FGF10: variants seen among roughly 807,000 people sequenced by gnomAD.
FGF10 encodes fibroblast growth factor 10.
A neutral mutation model predicts 19.8 loss-of-function variants in FGF10; 2 were observed. That is an observed-to-expected ratio of 0.10 (90% CI 0.04 to 0.32). The LOEUF is 0.32. Ranked by LOEUF, FGF10 falls within the 10% of genes least tolerant of loss-of-function variation. The pLI is 1.00. For synonymous variants in FGF10, 112 were observed against 94.0 expected (o/e 1.19, Z -1.10); for missense variants, 191 against 246.3 (o/e 0.78, Z 1.50).
At chr5:44,361,008 T>C (rs191034562) in intron 1 of FGF10, among the ~76,000 whole-genome samples, 3 of 151,856 alleles carry the variant, frequency 2.0e-5, no homozygotes, top group East Asian at 3.9e-4. Context: ...ATGTCATCCT[T>C]GTTATCTCAT....
chr5:44,324,858 C>A (rs1305756421), intron 1 of FGF10, among the ~76,000 whole-genome samples: 1 of 152,148 alleles, frequency 6.6e-6, no homozygotes. Context: ...AAGGAATAAG[C>A]AACATCCAAC....
chr5:44,375,398 G>C (rs2111896989), intron 1 of FGF10, among the ~76,000 whole-genome samples: 1 of 152,254 alleles, frequency 6.6e-6, no homozygotes, highest in South Asian at 2.1e-4. Context: ...GAAGAGCTGG[G>C]AAAGAGGGCA....
chr5:44,312,195 T>TAC (rs35763425), intron 1 of FGF10, among the ~76,000 whole-genome samples: 76,793 of 150,196 alleles, frequency 0.51, 21,205 homozygotes, highest in Non-Finnish European at 0.65. Flanking sequence ...TTCCCTAAGG[T>TAC]ACACACACAC....
At chr5:44,325,039 C>T (rs2111739079) in intron 1 of FGF10, among the ~76,000 whole-genome samples, 1 of 152,008 alleles carries the variant, frequency 6.6e-6, no homozygotes, top group East Asian at 1.9e-4. Flanking sequence ...AAATGATATC[C>T]AAATAGACAT....
chr5:44,388,497 G>T lies in FGF10; in HGVS notation c.186C>A (p.Ser62Arg), dbSNP rs886060654. 9.3e-6 allele frequency: 15 copies of T among 1,614,140 alleles called. No individual in the cohort carries two copies. The Middle Eastern group carries it at 1.7e-3, about 178-fold the overall frequency. The change falls in exon 1 of 3, where the codon AGC (serine) becomes AGA (arginine). Residue 62 changes from serine (S) to arginine (R), a missense_variant. Transcript: ENST00000264664. ...SSSSSFSSPS[S>R]AGRHVRSYNH... Reference sequence around the variant, plus strand: ...TGTAGCTCCGCACATGCCTTCCCGCGCTGGAAGGAGAGGAGAAGGAGGAGG... The same window carrying T: ...TGTAGCTCCGCACATGCCTTCCCGCTCTGGAAGGAGAGGAGAAGGAGGAGG...
At chr5:44,344,705 T>C (rs1282746569) in intron 1 of FGF10, among the ~76,000 whole-genome samples, 2 of 151,634 alleles carry the variant, frequency 1.3e-5, no homozygotes, top group African/African-American at 4.9e-5. Flanking sequence ...GATGATTTTC[T>C]GTGGAACATT....
In FGF10 at chr5:44,304,298, A is replaced by T. The variant is rs148334875; in HGVS notation, c.*697T>A. On this transcript the variant is annotated 3_prime_UTR_variant, in exon 3 of 3. Transcript: ENST00000264664. Reference sequence around the variant, plus strand: ...GTGTGCTGAATAAAAAGAAAAGATAAATCAGAAGACAGCTGCTGAGATACT... The same window carrying T: ...GTGTGCTGAATAAAAAGAAAAGATATATCAGAAGACAGCTGCTGAGATACT... 1 of 152,244 alleles carries T rather than the reference A, an allele frequency of 6.6e-6. No individual in the cohort carries two copies. The highest frequency in any genetic ancestry group is 6.5e-5 in the Admixed American group (1 of 15,272). 9.4% of individuals were successfully genotyped at this position (152,244 alleles called of 1,614,324 possible). A position where few individuals can be genotyped will look rare whatever the true frequency, so the allele number is the denominator to read the frequency against.
intron 1 of FGF10, among the ~76,000 whole-genome samples, chr5:44,368,903 A>G (rs1741681617): frequency 1.3e-5 from 2 of 152,056 alleles, no homozygotes; most frequent in South Asian, 4.1e-4. Flanking sequence ...CCTGGGCTGA[A>G]GCAATCCTCC....
At chr5:44,364,342 TA>T (rs1455188214) in intron 1 of FGF10, among the ~76,000 whole-genome samples, 43 of 152,010 alleles carry the variant, frequency 2.8e-4, no homozygotes, top group Admixed American at 8.5e-4. Context: ...GCACATCTTA[TA>T]TTTAGAGAAT....
chr5:44,301,941 G>C lies in FGF10; in HGVS notation c.*3054C>G, dbSNP rs1222287012. Among the ~76,000 whole-genome samples the C allele has an allele frequency of 6.6e-6, 1 of 152,002 alleles. No individual in the cohort carries two copies. Among genetic ancestry groups the C allele is most frequent in the East Asian group, 1.9e-4 (1 of 5,192 alleles). ...TCAGCCTTTTGCGAGTTAGGAGGAG[G>C]GAGTGATTCTATATCTTTATGAGGA... On this transcript the variant is annotated 3_prime_UTR_variant, in exon 3 of 3. Coordinates refer to ENST00000264664, the MANE Select transcript of FGF10 (RefSeq NM_004465.2).
At chr5:44,371,796 T>C (rs1302607738) in intron 1 of FGF10, among the ~76,000 whole-genome samples, 1 of 152,182 alleles carries the variant, frequency 6.6e-6, no homozygotes, top group Non-Finnish European at 1.5e-5. Context: ...ATTATAAGCC[T>C]GATACTTTCC....
chr5:44,379,043 T>C (rs1314790195), intron 1 of FGF10, among the ~76,000 whole-genome samples: 1 of 152,142 alleles, frequency 6.6e-6, no homozygotes, highest in Non-Finnish European at 1.5e-5. Flanking sequence ...TGCAGTTCCC[T>C]TCTCACCTCT....
At chr5:44,343,334 T>C (rs940259836) in intron 1 of FGF10, among the ~76,000 whole-genome samples, 3 of 152,026 alleles carry the variant, frequency 2.0e-5, no homozygotes, top group African/African-American at 7.2e-5. Context: ...ATTGCTAATA[T>C]TATAGCTCAA....
chr5:44,376,510 A>AAAAC (rs1263174569), intron 1 of FGF10, among the ~76,000 whole-genome samples: 3 of 140,954 alleles, frequency 2.1e-5, no homozygotes, highest in Admixed American at 7.1e-5. Flanking sequence ...AAAAAAAAAA[A>AAAAC]AAAAAAACAA....
At chr5:44,340,886 G>C (rs971722538) in intron 1 of FGF10, among the ~76,000 whole-genome samples, 1 of 151,368 alleles carries the variant, frequency 6.6e-6, no homozygotes, top group Non-Finnish European at 1.5e-5. Context: ...ATCCAAGGTG[G>C]AAGGGGAGAG....
At chr5:44,335,803 C>T (rs929320578) in intron 1 of FGF10, among the ~76,000 whole-genome samples, 1 of 151,926 alleles carries the variant, frequency 6.6e-6, no homozygotes, top group South Asian at 2.1e-4. Flanking sequence ...ATAGAATATG[C>T]TACTTTACCT....
In FGF10 at chr5:44,305,118, G is replaced by A. The variant is rs992179317; in HGVS notation, c.504C>T (p.Asn168=). 14 of 1,613,846 alleles carry A rather than the reference G, an allele frequency of 8.7e-6. No individual in the cohort carries two copies. The highest frequency in any genetic ancestry group is 1.2e-5 in the Non-Finnish European group (14 of 1,179,812). The change falls in exon 3 of 3, where the codon AAC becomes AAT. Residue 168 remains asparagine, a synonymous_variant. Coordinates refer to ENST00000264664, the MANE Select transcript of FGF10 (RefSeq NM_004465.2). ...ACATTTGCCTCCCATTATGCTGCCAGTTAAATGATGCATAGGTATTGTATC... is the reference window on the plus strand; with the variant it reads ...ACATTTGCCTCCCATTATGCTGCCAATTAAATGATGCATAGGTATTGTATC... ...ENGYNTYASF[N]WQHNGRQMYV...
At chr5:44,344,566 C>CTGTGTGTGTGTG (rs1455840251) in intron 1 of FGF10, among the ~76,000 whole-genome samples, 8 of 16,086 alleles carry the variant, frequency 5.0e-4, no homozygotes, top group Middle Eastern at 0.056. Flanking sequence ...GTTTTGTTTT[C>CTGTGTGTGTGTG]TCTGTGTGTG....
intron 1 of FGF10, among the ~76,000 whole-genome samples, chr5:44,347,032 C>T (rs1741105276): frequency 6.6e-6 from 1 of 151,684 alleles, no homozygotes; most frequent in African/African-American, 2.4e-5. Context: ...AGCATAATCA[C>T]CATGAGGGTG....
Sources: gnomAD v4.1 joint callset for allele counts (sites outside exome capture counted in the v4.1 genomes callset) on GRCh38, gnomAD v4.1.1 for gene constraint, MANE v1.5 for transcripts, NCBI Gene and HGNC (gene_info 2026-07-23, HGNC 2026-07-21) for gene names.